The following APOD variants were observed in gnomAD, a reference collection of about 807,000 sequenced individuals.
The protein encoded by APOD is apolipoprotein D.
Under a neutral mutation model 20.4 loss-of-function variants are expected in APOD, and 22 were observed. The ratio of observed to expected loss-of-function variants is 1.08; its 90% CI spans 0.77 to 1.54. The LOEUF (loss-of-function observed/expected upper bound fraction) is 1.54, where lower values mean the gene tolerates loss of function less well. APOD is among the 40% of genes most tolerant of loss of function. The probability of loss-of-function intolerance (pLI) is 0.00; values close to 1 mark genes in which losing one functional copy is unlikely to be tolerated. For synonymous variants in APOD, 97 were observed against 92.4 expected (o/e 1.05, Z -0.29); for missense variants, 223 against 229.6 (o/e 0.97, Z 0.19).
intron 3 of APOD, among the ~76,000 whole-genome samples, chr3:195,572,838 C>T (rs1415233629): frequency 2.6e-5 from 4 of 151,950 alleles, no homozygotes; most frequent in Non-Finnish European, 5.9e-5. Context: ...CAGTGAAACC[C>T]CGTCTCTACT....
At position 195,569,144 on chromosome 3, in the gene APOD, CAG is replaced by C; in HGVS notation, c.335-11_335-10del. ...CGGTGCCGATGGCATAACTGAGAACCAGAGAGAGGCAGCATTATTGGAGGGAG... is the reference window on the plus strand; with the variant it reads ...CGGTGCCGATGGCATAACTGAGAACCAGAGAGGCAGCATTATTGGAGGGAG... On this transcript the variant is annotated splice_polypyrimidine_tract_variant and intron_variant, in intron 4 of 4. Transcript: ENST00000343267. 1 of 1,608,918 alleles carries C rather than the reference CAG, an allele frequency of 6.2e-7. No individual in the cohort carries two copies.
chr3:195,572,452 C>G (rs144386436), intron 3 of APOD, among the ~76,000 whole-genome samples: 8 of 152,196 alleles, frequency 5.3e-5, no homozygotes, highest in African/African-American at 1.9e-4. Context: ...TGGCATATAA[C>G]GCAGTGGTGT....
intron 1 of APOD, among the ~76,000 whole-genome samples, chr3:195,580,744 GAGA>G (rs1392945080): frequency 6.6e-6 from 1 of 152,200 alleles, no homozygotes; most frequent in African/African-American, 2.4e-5. Context: ...CATTAAATCA[GAGA>G]AGGACTGTCA....
chr3:195,582,562 G>A (rs35155890), intron 1 of APOD: 23,549 of 152,046 alleles, frequency 0.15, 2,352 homozygotes, highest in Non-Finnish European at 0.23. Flanking sequence ...CCAACATGGC[G>A]AAACCCCGTC....
At chr3:195,579,708 T>G (rs1319749035) in intron 1 of APOD, among the ~76,000 whole-genome samples, 1 of 152,176 alleles carries the variant, frequency 6.6e-6, no homozygotes, top group Non-Finnish European at 1.5e-5. Flanking sequence ...ACGAGGGCGC[T>G]CTCTGCCTGG....
At chr3:195,582,218 A>T (rs111665482) in intron 1 of APOD, among the ~76,000 whole-genome samples, 1 of 152,096 alleles carries the variant, frequency 6.6e-6, no homozygotes, top group African/African-American at 2.4e-5. Flanking sequence ...AAACAACAAC[A>T]ACAAAAAAAC....
At chr3:195,571,584 G>A (rs1454392077) in intron 3 of APOD, among the ~76,000 whole-genome samples, 1 of 152,092 alleles carries the variant, frequency 6.6e-6, no homozygotes, top group African/African-American at 2.4e-5. Flanking sequence ...CCAAGCAGGG[G>A]AAGAGAGCAG....
Position 195,568,859 on chromosome 3 carries a change from G to C in APOD, c.*41C>G. The C allele has an allele frequency of 7.0e-7, 1 of 1,428,870 alleles. No homozygotes were observed. Among genetic ancestry groups the C allele is most frequent in the African/African-American group, 1.4e-5 (1 of 70,018 alleles). The allele number at this position is 1,428,870 out of a possible 1,614,324, so 88.5% of individuals were successfully genotyped here. A position where few individuals can be genotyped will look rare whatever the true frequency, so the allele number is the denominator to read the frequency against. On this transcript the variant is annotated 3_prime_UTR_variant, in exon 5 of 5. Transcript: ENST00000343267. ...GGGGGGGGTAGGGGAAAGCGAAGCAGAAGTAACATGGAGTGGGTGCAGCCT... is the reference window on the plus strand; with the variant it reads ...GGGGGGGGTAGGGGAAAGCGAAGCACAAGTAACATGGAGTGGGTGCAGCCT...
intron 4 of APOD, among the ~76,000 whole-genome samples, chr3:195,569,878 C>A (rs891563244): frequency 1.4e-5 from 2 of 142,188 alleles, no homozygotes; most frequent in Non-Finnish European, 3.0e-5. Flanking sequence ...CAGCTCACTG[C>A]AACCTCCACC....
chr3:195,572,973 C>G (rs535269180), intron 3 of APOD, among the ~76,000 whole-genome samples: 1 of 152,292 alleles, frequency 6.6e-6, no homozygotes, highest in South Asian at 2.1e-4. Flanking sequence ...TCTGATGTTC[C>G]CAAGTACTTT....
intron 2 of APOD, among the ~76,000 whole-genome samples, chr3:195,575,973 C>T (rs1378239566): frequency 6.6e-6 from 1 of 152,170 alleles, no homozygotes; most frequent in Non-Finnish European, 1.5e-5. Context: ...CCTTCAGAGT[C>T]AGAACTTGAA....
intron 4 of APOD, 29 bp from the exon 5 acceptor site, chr3:195,569,164 G>A (rs775201560): frequency 6.3e-7 from 1 of 1,584,490 alleles, no homozygotes; most frequent in South Asian, 1.1e-5. Context: ...CAGCATTATT[G>A]GAGGGAGAGG....
Position 195,569,039 on chromosome 3 carries a change from T to G in APOD, c.431A>C (p.Asp144Ala). 1 of 1,614,080 alleles carries G rather than the reference T, an allele frequency of 6.2e-7. No individual in the cohort carries two copies. The highest frequency in any genetic ancestry group is 8.5e-7 in the Non-Finnish European group (1 of 1,180,000). The change falls in exon 5 of 5, where the codon GAT becomes GCT. Residue 144 changes from aspartate to alanine, a missense_variant. Asp to Ala is a moderately radical substitution (Grantham distance 126). Transcript: ENST00000343267. Reference protein sequence around the residue: ...CTCIIQLFHVDFAWILARNPN... With the variant: ...CTCIIQLFHVAFAWILARNPN... ...GTTTCTTGCCAAGATCCAAGCAAAA[T>G]CCACGTGAAAAAGTTGGATGATGCA...
chr3:195,577,840 T>C (rs1201652187), intron 2 of APOD, among the ~76,000 whole-genome samples: 1 of 152,214 alleles, frequency 6.6e-6, no homozygotes, highest in African/African-American at 2.4e-5. Flanking sequence ...TTTTATCAAA[T>C]ATGCAGAATA....
chr3:195,571,190 G>T, intron 4 of APOD, 87 bp downstream of exon 4: 2 of 1,084,286 alleles, frequency 1.8e-6, no homozygotes, highest in Admixed American at 1.7e-5. Context: ...ACACTCAGGT[G>T]TCTCAGGAAT....
intron 2 of APOD, among the ~76,000 whole-genome samples, chr3:195,578,276 A>C (rs1720278827): frequency 6.6e-6 from 1 of 152,144 alleles, no homozygotes; most frequent in Non-Finnish European, 1.5e-5. Context: ...TAAGTGGAGC[A>C]AGTCAGTGTA....
intron 4 of APOD, 120 bp from the exon 5 acceptor site, chr3:195,569,255 C>T (rs1560457184): frequency 1.2e-6 from 1 of 809,494 alleles, no homozygotes; most frequent in Non-Finnish European, 2.0e-6. Context: ...TTTTGTTTAT[C>T]AATCCAGAAA....
rs754030446 is a variant in APOD at position 195,568,955 on chromosome 3, A to G, written c.515T>C (p.Ile172Thr). ...TGTGACCGTCATTTTCTTGACATCA[A>G]TGTTATTAGAAGTCAGGATATTTTT... ...SLKNILTSNN[I>T]DVKKMTVTDQ... is the part of the protein sequence containing the mutation. Residue 172 changes from isoleucine (I) to threonine (T), a missense_variant, in exon 5 of 5, where the codon ATT becomes ACT. By Grantham distance (89) the Ile-to-Thr change is moderately conservative. Transcript: ENST00000343267. The G allele has an allele frequency of 2.1e-5, 34 of 1,614,020 alleles. No individual in the cohort carries two copies. The Admixed American group carries it at 5.7e-4, about 27-fold the overall frequency.
chr3:195,576,779 CAGCCTGGGTGACAG>C (rs1158802952), intron 2 of APOD, among the ~76,000 whole-genome samples: 2 of 151,954 alleles, frequency 1.3e-5, no homozygotes, highest in Non-Finnish European at 2.9e-5. Context: ...CACTACACTC[CAGCCTGGGTGACAG>C]AGCAAGACTC....
Sources: allele counts gnomAD v4.1 joint callset (sites outside exome capture counted in the v4.1 genomes callset), GRCh38; gene constraint gnomAD v4.1.1; transcripts MANE v1.5; gene names NCBI Gene and HGNC (gene_info 2026-07-23, HGNC 2026-07-21).